Variants in DCDC1 observed in about 807,000 individuals in gnomAD.
DCDC1 encodes the protein doublecortin domain containing 1.
DCDC1 carries 200 observed loss-of-function variants against 178.3 expected under a neutral mutation model. That is an observed-to-expected ratio of 1.12 (90% CI 1.00 to 1.26). DCDC1 has a LOEUF of 1.26. Among genes scored for constraint, DCDC1 ranks in the 50% most tolerant of loss-of-function variants. DCDC1 has a pLI of 0.00. For synonymous variants in DCDC1, 690 were observed against 604.8 expected, an observed-to-expected ratio of 1.14 and a Z score of -2.07; for missense variants, 1,983 against 1,749.2, an observed-to-expected ratio of 1.13 and a Z score of -2.38.
intron 8 of DCDC1, among the ~76,000 whole-genome samples, chr11:31,244,345 A>G (rs1977563721): frequency 6.6e-6 from 1 of 151,770 alleles, no homozygotes; most frequent in African/African-American, 2.4e-5. Flanking sequence ...ATACCAAATC[A>G]TAGCTCATAA....
intron 7 of DCDC1, among the ~76,000 whole-genome samples, chr11:31,270,445 T>C (rs894294606): frequency 1.3e-5 from 2 of 152,216 alleles, no homozygotes; most frequent in Non-Finnish European, 2.9e-5. Flanking sequence ...AAAGTTTGCA[T>C]CAACATTCAC....
intron 21 of DCDC1, among the ~76,000 whole-genome samples, chr11:30,939,535 A>G (rs961547127): frequency 6.6e-6 from 1 of 152,360 alleles, no homozygotes; most frequent in Admixed American, 6.5e-5. Context: ...TCCCTCTCCC[A>G]GTTCCTCACT....
intron 7 of DCDC1, among the ~76,000 whole-genome samples, chr11:31,267,667 G>A (rs928113656): frequency 6.6e-6 from 1 of 152,126 alleles, no homozygotes; most frequent in Non-Finnish European, 1.5e-5. Flanking sequence ...TTTCTTCAGT[G>A]ACTACTGCCC....
chr11:31,102,237 A>G lies in DCDC1; in HGVS notation c.1923T>C (p.Ser641=), dbSNP rs1958559426. ...EGFPINFNCT[S]QQIPDQFEKV... is the part of the protein sequence containing the mutation. ...TTTCAAACTGGTCAGGTATCTGTTG[A>G]CTGGTACAGTTGAAATTAATTGGAA... Residue 641 remains serine (S), a synonymous_variant, in exon 15 of 39, where the codon AGT becomes AGC. Transcript: ENST00000684477. The G allele has an allele frequency of 1.3e-6, 1 of 740,992 alleles. No homozygotes were observed. Among genetic ancestry groups the G allele is most frequent in the Non-Finnish European group, 2.5e-6 (1 of 402,232 alleles). The allele number at this position is 740,992 out of a possible 1,614,324, so 45.9% of individuals were successfully genotyped here. A position where few individuals can be genotyped will look rare whatever the true frequency, so the allele number is the denominator to read the frequency against.
At chr11:30,985,174 G>A (rs1950577213) in intron 20 of DCDC1, among the ~76,000 whole-genome samples, 1 of 152,098 alleles carries the variant, frequency 6.6e-6, no homozygotes, top group African/African-American at 2.4e-5. Context: ...ACACTTCTTG[G>A]CAATAATTGT....
At chr11:30,997,758 C>T (rs1275180128) in intron 20 of DCDC1, among the ~76,000 whole-genome samples, 2 of 152,072 alleles carry the variant, frequency 1.3e-5, no homozygotes, top group Non-Finnish European at 2.9e-5. Flanking sequence ...TGCTGGATTA[C>T]AATCAAACAT....
At chr11:31,107,824 T>C (rs1228366075) in intron 12 of DCDC1, among the ~76,000 whole-genome samples, 1 of 152,210 alleles carries the variant, frequency 6.6e-6, no homozygotes, top group Non-Finnish European at 1.5e-5. Flanking sequence ...CCCAGCCTTC[T>C]GTCACGGGGT....
chr11:31,050,379 C>A (rs527340320), intron 20 of DCDC1, among the ~76,000 whole-genome samples: 1 of 152,166 alleles, frequency 6.6e-6, no homozygotes. Flanking sequence ...AGCTCAGACA[C>A]GCCTACCCCT....
chr11:31,109,446 A>C (rs1457802975), intron 12 of DCDC1, among the ~76,000 whole-genome samples: 1 of 152,152 alleles, frequency 6.6e-6, no homozygotes, highest in Non-Finnish European at 1.5e-5. Flanking sequence ...AAACCAGCCA[A>C]GGCTCTGGAT....
At chr11:31,001,458 ATC>A (rs1038200840) in intron 20 of DCDC1, among the ~76,000 whole-genome samples, 32 of 152,152 alleles carry the variant, frequency 2.1e-4, no homozygotes, top group African/African-American at 7.7e-4. Flanking sequence ...CAGGACAAAA[ATC>A]TCTGTTTTGC....
At chr11:31,076,951 G>T (rs1956900488) in intron 18 of DCDC1, among the ~76,000 whole-genome samples, 1 of 152,104 alleles carries the variant, frequency 6.6e-6, no homozygotes. Flanking sequence ...CAAGCAGGCT[G>T]CCTGACCACC....
intron 20 of DCDC1, among the ~76,000 whole-genome samples, chr11:30,953,939 GTTAACA>G (rs1158699120): frequency 6.8e-6 from 1 of 147,190 alleles, no homozygotes; most frequent in African/African-American, 2.5e-5. Flanking sequence ...GAGCTAAATA[GTTAACA>G]TTAACAAAAT....
chr11:31,200,149 T>C (rs1239955067), intron 9 of DCDC1, among the ~76,000 whole-genome samples: 15 of 152,096 alleles, frequency 9.9e-5, no homozygotes, highest in Non-Finnish European at 1.5e-5. Flanking sequence ...GACTCAGGAC[T>C]CTAGTAAACT....
At chr11:31,077,282 T>C (rs139219962) in intron 18 of DCDC1, among the ~76,000 whole-genome samples, 274 of 152,304 alleles carry the variant, frequency 1.8e-3, no homozygotes, top group African/African-American at 6.3e-3. Context: ...TCCATTAACA[T>C]ATTATCCAGT....
chr11:30,917,083 A>C (rs1335245133), intron 25 of DCDC1, 55 bp from the exon 26 acceptor site: 1 of 1,526,306 alleles, frequency 6.6e-7, no homozygotes, highest in Non-Finnish European at 8.8e-7. Flanking sequence ...GTGTTCACAG[A>C]ATTTTTTTCT....
chr11:31,256,933 A>T (rs1364298675), intron 8 of DCDC1, among the ~76,000 whole-genome samples: 6 of 152,124 alleles, frequency 3.9e-5, no homozygotes, highest in Non-Finnish European at 7.3e-5. Flanking sequence ...CTACTAGCTG[A>T]TCATGCCTTC....
chr11:31,026,707 G>C (rs1287117961), intron 20 of DCDC1, among the ~76,000 whole-genome samples: 1 of 151,720 alleles, frequency 6.6e-6, no homozygotes, highest in East Asian at 1.9e-4. Flanking sequence ...TAGAGTTTTA[G>C]AGCATGTAAA....
intron 10 of DCDC1, among the ~76,000 whole-genome samples, chr11:31,131,821 CT>C (rs1345153404): frequency 6.6e-6 from 1 of 152,130 alleles, no homozygotes; most frequent in Non-Finnish European, 1.5e-5. Flanking sequence ...TGTACTGCAC[CT>C]TGTGCTATAG....
intron 9 of DCDC1, among the ~76,000 whole-genome samples, chr11:31,208,487 G>A (rs528347665): frequency 1.6e-4 from 24 of 152,210 alleles, no homozygotes; most frequent in Admixed American, 1.0e-3. Flanking sequence ...CCACTCTTTG[G>A]AGGTTTGTCT....
Sources: allele counts gnomAD v4.1 joint callset (sites outside exome capture counted in the v4.1 genomes callset), GRCh38; gene constraint gnomAD v4.1.1; transcripts MANE v1.5; gene names NCBI Gene and HGNC (gene_info 2026-07-23, HGNC 2026-07-21).